The following GRIK2 variants were observed in gnomAD, a reference collection of about 807,000 sequenced individuals.
GRIK2 encodes glutamate receptor ionotropic, kainate 2.
GRIK2 carries 32 observed loss-of-function variants against 100.3 expected under a neutral mutation model. The ratio of observed to expected loss-of-function variants is 0.32; its 90% CI spans 0.24 to 0.43. GRIK2 has a LOEUF of 0.43. GRIK2 is among the 20% of genes least tolerant of loss of function. GRIK2 has a pLI of 1.00. For missense variants in GRIK2, 843 were observed against 1,114.9 expected (o/e 0.76, Z 3.47); for synonymous variants, 417 against 389.4 (o/e 1.07, Z -0.83).
At chr6:101,858,669 GCA>G (rs1784575692) in intron 10 of GRIK2, among the ~76,000 whole-genome samples, 1 of 151,838 alleles carries the variant, frequency 6.6e-6, no homozygotes, top group Non-Finnish European at 1.5e-5. Context: ...GATTACAGGT[GCA>G]AGCCATGGTG....
chr6:101,594,600 T>C (rs1332522052), intron 2 of GRIK2, among the ~76,000 whole-genome samples: 1 of 151,698 alleles, frequency 6.6e-6, no homozygotes, highest in Non-Finnish European at 1.5e-5. Context: ...AGAGTTTCAA[T>C]AAAGATATAA....
chr6:101,883,496 A>G (rs1276041270), intron 11 of GRIK2, among the ~76,000 whole-genome samples: 1 of 152,086 alleles, frequency 6.6e-6, no homozygotes, highest in Non-Finnish European at 1.5e-5. Flanking sequence ...ACATTCTAAT[A>G]GAAAAAGACT....
At chr6:101,613,192 T>G (rs766339980) in intron 2 of GRIK2, among the ~76,000 whole-genome samples, 1 of 151,742 alleles carries the variant, frequency 6.6e-6, no homozygotes, top group Non-Finnish European at 1.5e-5. Context: ...GTAGAAATGA[T>G]GGGAATCTAT....
At chr6:102,021,288 T>C (rs1288299336) in intron 14 of GRIK2, among the ~76,000 whole-genome samples, 2 of 151,636 alleles carry the variant, frequency 1.3e-5, no homozygotes, top group Non-Finnish European at 1.5e-5. Context: ...AAAATCCTTA[T>C]AAGGAAATGA....
chr6:102,051,258 TTCCTTCCTTCC>T (rs2114491058), intron 15 of GRIK2, among the ~76,000 whole-genome samples: 1 of 82,942 alleles, frequency 1.2e-5, no homozygotes, highest in East Asian at 4.3e-4. Context: ...CCTCCCTTCC[TTCCTTCCTTCC>T]TTCCTTCCTT....
intron 10 of GRIK2, among the ~76,000 whole-genome samples, chr6:101,819,557 C>T (rs890476239): frequency 1.2e-4 from 18 of 152,158 alleles, no homozygotes; most frequent in East Asian, 3.9e-4. Flanking sequence ...CACATCCAAA[C>T]GTCTAAGACA....
chr6:101,653,383 C>T (rs1036491730), intron 4 of GRIK2, among the ~76,000 whole-genome samples: 1 of 151,964 alleles, frequency 6.6e-6, no homozygotes, highest in African/African-American at 2.4e-5. Flanking sequence ...CTGCTTACTC[C>T]TCACCCCCAC....
At chr6:101,705,898 AC>A (rs1347845785) in intron 7 of GRIK2, among the ~76,000 whole-genome samples, 1 of 151,956 alleles carries the variant, frequency 6.6e-6, no homozygotes, top group Non-Finnish European at 1.5e-5. Context: ...CAATAAAAAA[AC>A]AAATCAGCAA....
At chr6:101,528,036 A>G (rs1775240041) in intron 2 of GRIK2, among the ~76,000 whole-genome samples, 1 of 152,108 alleles carries the variant, frequency 6.6e-6, no homozygotes, top group African/African-American at 2.4e-5. Flanking sequence ...TTTACCACTT[A>G]GTGTGCTGTG....
chr6:101,693,279 G>A (rs1443737001), intron 7 of GRIK2, among the ~76,000 whole-genome samples: 1 of 151,916 alleles, frequency 6.6e-6, no homozygotes, highest in Non-Finnish European at 1.5e-5. Context: ...AAAAGTAAGG[G>A]TAAATCAAGA....
At chr6:101,930,681 T>C (rs936796601) in intron 14 of GRIK2, among the ~76,000 whole-genome samples, 1 of 152,122 alleles carries the variant, frequency 6.6e-6, no homozygotes, top group African/African-American at 2.4e-5. Flanking sequence ...ATTTTTTCTT[T>C]ATAAAATTTT....
Position 102,046,950 on chromosome 6 carries a change from C to T in GRIK2, c.2312-8380C>T, listed in dbSNP as rs923829828. On this transcript the variant is annotated intron_variant, in intron 15 of 16. Transcript: ENST00000369134. ...AAGTATGTAGAAATTAAACAACATGCTCCTGAACAACTAGTAGGTCAAATA... is the reference window on the plus strand; with the variant it reads ...AAGTATGTAGAAATTAAACAACATGTTCCTGAACAACTAGTAGGTCAAATA... Among the ~76,000 whole-genome samples, 14 of 152,034 alleles carry T rather than the reference C, an allele frequency of 9.2e-5. 1 individual carries two copies. Among genetic ancestry groups the T allele is most frequent in the South Asian group, 2.1e-4 (1 of 4,818 alleles).
chr6:101,934,468 G>T (rs1790493937), intron 14 of GRIK2, among the ~76,000 whole-genome samples: 1 of 151,880 alleles, frequency 6.6e-6, no homozygotes, highest in Non-Finnish European at 1.5e-5. Context: ...ATATGGTGGG[G>T]TGATAGTATA....
At chr6:101,742,162 G>A (rs1211151172) in intron 7 of GRIK2, among the ~76,000 whole-genome samples, 1 of 152,118 alleles carries the variant, frequency 6.6e-6, no homozygotes, top group African/African-American at 2.4e-5. Flanking sequence ...CTTTTTAATA[G>A]TTTTTAGCTT....
Position 101,829,776 on chromosome 6 carries a change from T to A in GRIK2, c.1317+11293T>A, listed in dbSNP as rs61709494. ...CACGCTGAAAGATGACACAAATAAA[T>A]GGAAAAGCATTCCATGCTCATTTCA... On this transcript the variant is annotated intron_variant, in intron 10 of 16. Coordinates refer to ENST00000369134, the MANE Select transcript of GRIK2 (RefSeq NM_021956.5). Among the ~76,000 whole-genome samples the A allele has an allele frequency of 7.6e-3, 1,157 of 151,940 alleles. 13 individuals are homozygous for A. Among genetic ancestry groups the A allele is most frequent in the African/African-American group, 0.026 (1,081 of 41,508 alleles).
intron 2 of GRIK2, among the ~76,000 whole-genome samples, chr6:101,542,914 T>C (rs1171428199): frequency 1.3e-5 from 2 of 152,216 alleles, no homozygotes; most frequent in African/African-American, 4.8e-5. Context: ...AAGCCGATTG[T>C]GTCAAGGAGG....
chr6:101,992,463 A>G (rs1230940221), intron 14 of GRIK2, among the ~76,000 whole-genome samples: 1 of 151,704 alleles, frequency 6.6e-6, no homozygotes, highest in African/African-American at 2.4e-5. Context: ...GAAAAATAAC[A>G]AAGAGCAAAA....
At chr6:101,548,190 G>A (rs2128291346) in intron 2 of GRIK2, among the ~76,000 whole-genome samples, 1 of 152,124 alleles carries the variant, frequency 6.6e-6, no homozygotes, top group African/African-American at 2.4e-5. Context: ...TTGTAAATTT[G>A]TTTGAGTTCT....
intron 2 of GRIK2, among the ~76,000 whole-genome samples, chr6:101,460,763 CT>C (rs1336045710): frequency 6.6e-6 from 1 of 152,130 alleles, no homozygotes; most frequent in African/African-American, 2.4e-5. Flanking sequence ...TAAACATGGG[CT>C]CTCTAACATC....
Sources: gnomAD v4.1 joint callset for allele counts (sites outside exome capture counted in the v4.1 genomes callset) on GRCh38, gnomAD v4.1.1 for gene constraint, MANE v1.5 for transcripts, NCBI Gene and HGNC (gene_info 2026-07-23, HGNC 2026-07-21) for gene names.